Variants in SAMTOR observed in about 807,000 individuals in gnomAD.
SAMTOR encodes UPF0532 protein C7orf60.
chr7:112,895,398 T>TA, the SAMTOR span, among the ~76,000 whole-genome samples: 16 of 152,304 alleles, frequency 1.1e-4, no homozygotes, highest in African/African-American at 3.8e-4. Flanking sequence ...AGATAGCTCT[T>TA]ACAATTTTCT....
chr7:112,890,507 A>G, the SAMTOR span, among the ~76,000 whole-genome samples: 1 of 152,106 alleles, frequency 6.6e-6, no homozygotes, highest in Non-Finnish European at 1.5e-5. Context: ...TTTAACCAAA[A>G]ATTATGAGAC....
At chr7:112,828,721 T>C in the SAMTOR span, among the ~76,000 whole-genome samples, 4 of 152,194 alleles carry the variant, frequency 2.6e-5, no homozygotes, top group African/African-American at 9.7e-5. Flanking sequence ...GTATTCTTCA[T>C]TCCTTTGTGT....
At chr7:112,936,767 C>G in the SAMTOR span, among the ~76,000 whole-genome samples, 3 of 152,112 alleles carry the variant, frequency 2.0e-5, no homozygotes, top group African/African-American at 7.2e-5. Context: ...TCCCTGCCAT[C>G]TCTCCCCAAA....
the SAMTOR span, among the ~76,000 whole-genome samples, chr7:112,895,245 A>G: frequency 1.3e-5 from 2 of 151,216 alleles, no homozygotes; most frequent in Admixed American, 1.3e-4. Context: ...TAACAATTAT[A>G]TGTTATATAC....
At chr7:112,896,195 A>G in the SAMTOR span, among the ~76,000 whole-genome samples, 148,968 of 152,166 alleles carry the variant, frequency 0.98, 72,972 homozygotes, top group Non-Finnish European at 1. Context: ...GTGTGCGTGC[A>G]CGCGCGCACG....
chr7:112,860,644 T>C, the SAMTOR span, among the ~76,000 whole-genome samples: 1 of 152,192 alleles, frequency 6.6e-6, no homozygotes, highest in East Asian at 1.9e-4. Flanking sequence ...GGCTCACGCC[T>C]GTAATCCCAG....
chr7:112,939,742 T>A, the SAMTOR span: 2 of 1,599,326 alleles, frequency 1.3e-6, no homozygotes, highest in Non-Finnish European at 1.7e-6. Context: ...CGCCGGCCCC[T>A]GGCTCCATAT....
chr7:112,821,876 A>C, the SAMTOR span: 1 of 1,613,482 alleles, frequency 6.2e-7, no homozygotes, highest in Non-Finnish European at 8.5e-7. Context: ...CATCTTCTAT[A>C]TCTGATCGAA....
the SAMTOR span, among the ~76,000 whole-genome samples, chr7:112,873,900 T>A: frequency 6.6e-6 from 1 of 152,090 alleles, no homozygotes; most frequent in African/African-American, 2.4e-5. Context: ...GCTAAGGACA[T>A]GAACAGATAT....
At chr7:112,914,476 G>A in the SAMTOR span, among the ~76,000 whole-genome samples, 1 of 151,874 alleles carries the variant, frequency 6.6e-6, no homozygotes, top group African/African-American at 2.4e-5. Context: ...CACATTAAGA[G>A]AACTAGTATA....
chr7:112,829,846 A>T, the SAMTOR span, among the ~76,000 whole-genome samples: 1 of 152,170 alleles, frequency 6.6e-6, no homozygotes, highest in Middle Eastern at 3.2e-3. Context: ...GCTGATGGGA[A>T]CAGGTACAAT....
At chr7:112,845,772 A>T in the SAMTOR span, among the ~76,000 whole-genome samples, 13 of 152,224 alleles carry the variant, frequency 8.5e-5, no homozygotes, top group African/African-American at 2.9e-4. Flanking sequence ...TACCATAAAG[A>T]CACATGCACA....
At chr7:112,903,466 A>G in the SAMTOR span, among the ~76,000 whole-genome samples, 1 of 152,164 alleles carries the variant, frequency 6.6e-6, no homozygotes, top group African/African-American at 2.4e-5. Flanking sequence ...ATACAGGTAT[A>G]AAGGACACTA....
chr7:112,890,201 A>G, the SAMTOR span, among the ~76,000 whole-genome samples: 1 of 152,202 alleles, frequency 6.6e-6, no homozygotes, highest in African/African-American at 2.4e-5. Flanking sequence ...AAAAGCGCCT[A>G]AATGTTTAAT....
the SAMTOR span, among the ~76,000 whole-genome samples, chr7:112,839,554 T>C: frequency 6.6e-6 from 1 of 151,786 alleles, no homozygotes; most frequent in Non-Finnish European, 1.5e-5. Context: ...ATCTGAGTGA[T>C]GCCCTGAGAA....
At chr7:112,861,652 T>G in the SAMTOR span, among the ~76,000 whole-genome samples, 4 of 152,204 alleles carry the variant, frequency 2.6e-5, no homozygotes, top group Admixed American at 2.6e-4. Context: ...TCTGTCTTCT[T>G]GAGGTTTCTA....
chr7:112,920,129 T>A, the SAMTOR span, among the ~76,000 whole-genome samples: 1,204 of 151,534 alleles, frequency 7.9e-3, 11 homozygotes, highest in African/African-American at 0.028. Context: ...TACCAAAGAC[T>A]GGCAGAGACA....
chr7:112,863,699 G>A, the SAMTOR span, among the ~76,000 whole-genome samples: 1 of 152,112 alleles, frequency 6.6e-6, no homozygotes, highest in African/African-American at 2.4e-5. Flanking sequence ...CTTATCATTA[G>A]AGAAATGCAA....
chr7:112,926,936 T>TA, the SAMTOR span, among the ~76,000 whole-genome samples: 4 of 152,076 alleles, frequency 2.6e-5, no homozygotes, highest in Non-Finnish European at 5.9e-5. Context: ...CTGGTGGTTA[T>TA]AAAATTGAAC....
Sources: gnomAD v4.1 joint callset for allele counts (sites outside exome capture counted in the v4.1 genomes callset) on GRCh38, gnomAD v4.1.1 for gene constraint, MANE v1.5 for transcripts, NCBI Gene and HGNC (gene_info 2026-07-23, HGNC 2026-07-21) for gene names.